RARB: variants seen among roughly 807,000 people sequenced by gnomAD.
RARB encodes HBV-activated protein.
Under a neutral mutation model 51.9 loss-of-function variants are expected in RARB, and 17 were observed. The ratio of observed to expected loss-of-function variants is 0.33; its 90% CI spans 0.22 to 0.49. RARB has a LOEUF of 0.49. RARB is among the 20% of genes least tolerant of loss of function. The pLI is 0.99. For synonymous variants in RARB, 215 were observed against 195.4 expected (o/e 1.10, Z -0.84); for missense variants, 369 against 550.8 (o/e 0.67, Z 3.30).
intron 5 of RARB, among the ~76,000 whole-genome samples, chr3:25,293,437 T>A (rs1047094552): frequency 9.2e-5 from 14 of 151,986 alleles, no homozygotes; most frequent in Non-Finnish European, 1.3e-4. Flanking sequence ...GTTATTAACA[T>A]TTTTAATGCT....
chr3:25,045,150 G>T (rs949547706), intron 2 of RARB, among the ~76,000 whole-genome samples: 2 of 152,202 alleles, frequency 1.3e-5, no homozygotes, highest in Admixed American at 6.5e-5. Context: ...CTAACAGCTG[G>T]AATAGCAAAA....
chr3:25,412,049 A>G (rs971523185), intron 5 of RARB, among the ~76,000 whole-genome samples: 18 of 152,226 alleles, frequency 1.2e-4, no homozygotes, highest in African/African-American at 4.1e-4. Flanking sequence ...CATGAGGGGC[A>G]GTCATTATGA....
intron 2 of RARB, among the ~76,000 whole-genome samples, chr3:24,868,681 A>G (rs1490643305): frequency 6.6e-6 from 1 of 152,124 alleles, no homozygotes; most frequent in Admixed American, 6.6e-5. Context: ...TTTACAATCT[A>G]TTCTCTCTGA....
At chr3:24,977,818 C>A (rs1355627663) in intron 2 of RARB, among the ~76,000 whole-genome samples, 1 of 152,152 alleles carries the variant, frequency 6.6e-6, no homozygotes, top group East Asian at 1.9e-4. Flanking sequence ...GAGAGGGCAT[C>A]CTTGTCTTGT....
At chr3:25,499,699 T>C (rs1449125100) in intron 2 of RARB, among the ~76,000 whole-genome samples, 7 of 152,228 alleles carry the variant, frequency 4.6e-5, no homozygotes, top group African/African-American at 1.7e-4. Flanking sequence ...TTTAACTCAT[T>C]GATGAAGGGA....
chr3:24,960,037 G>A (rs1482087021), intron 2 of RARB, among the ~76,000 whole-genome samples: 1 of 152,182 alleles, frequency 6.6e-6, no homozygotes, highest in Non-Finnish European at 1.5e-5. Flanking sequence ...TACAAAGACT[G>A]AACTATCAAT....
At chr3:25,410,370 A>C (rs188269265) in intron 5 of RARB, among the ~76,000 whole-genome samples, 21 of 152,326 alleles carry the variant, frequency 1.4e-4, no homozygotes, top group African/African-American at 4.3e-4. Flanking sequence ...AAATGTTAGG[A>C]ACATATTGCC....
chr3:24,986,469 C>T (rs1017309071), intron 2 of RARB, among the ~76,000 whole-genome samples: 1 of 152,106 alleles, frequency 6.6e-6, no homozygotes, highest in African/African-American at 2.4e-5. Flanking sequence ...TTTATTTTAT[C>T]AGAATTAGTC....
intron 2 of RARB, among the ~76,000 whole-genome samples, chr3:25,038,528 T>C (rs1698048666): frequency 6.6e-6 from 1 of 152,126 alleles, no homozygotes; most frequent in African/African-American, 2.4e-5. Context: ...GGCCCTCCTT[T>C]TTTTCTTTGT....
chr3:25,312,883 C>T (rs1704324639), intron 5 of RARB, among the ~76,000 whole-genome samples: 1 of 152,172 alleles, frequency 6.6e-6, no homozygotes, highest in South Asian at 2.1e-4. Flanking sequence ...CTGTTGCCGC[C>T]AGTCCTGGTG....
At chr3:25,587,972 T>G (rs1160228768) in intron 5 of RARB, among the ~76,000 whole-genome samples, 1 of 120,518 alleles carries the variant, frequency 8.3e-6, no homozygotes, top group Non-Finnish European at 2.0e-5. Flanking sequence ...ATTCATTCAA[T>G]AAATATTCAT....
intron 2 of RARB, among the ~76,000 whole-genome samples, chr3:24,892,957 T>C (rs990155018): frequency 6.6e-6 from 1 of 152,238 alleles, no homozygotes; most frequent in Non-Finnish European, 1.5e-5. Flanking sequence ...CAGGGTAGTA[T>C]TCTCTGAATC....
At chr3:25,258,902 C>T (rs1208907805) in intron 5 of RARB, 2 of 204,392 alleles carry the variant, frequency 9.8e-6, no homozygotes, top group African/African-American at 4.7e-5. Flanking sequence ...AAGGCATAAA[C>T]CTCTCTTAAG....
chr3:25,026,147 T>G (rs1177356991), intron 2 of RARB, among the ~76,000 whole-genome samples: 3 of 152,160 alleles, frequency 2.0e-5, no homozygotes, highest in Non-Finnish European at 2.9e-5. Flanking sequence ...ACCTGCACTT[T>G]TGCATAAAGT....
intron 2 of RARB, among the ~76,000 whole-genome samples, chr3:24,981,762 C>T (rs1445062444): frequency 6.6e-6 from 1 of 152,204 alleles, no homozygotes. Flanking sequence ...ATTCCCTGTT[C>T]TGCTTCAGCT....
At chr3:25,401,303 T>C (rs1483040347) in intron 5 of RARB, among the ~76,000 whole-genome samples, 1 of 152,150 alleles carries the variant, frequency 6.6e-6, no homozygotes, top group Non-Finnish European at 1.5e-5. Flanking sequence ...CTACTCTAGA[T>C]ACCTAGATTT....
At chr3:25,070,371 T>A (rs1477010136) in intron 3 of RARB, among the ~76,000 whole-genome samples, 1 of 152,158 alleles carries the variant, frequency 6.6e-6, no homozygotes, top group Non-Finnish European at 1.5e-5. Context: ...TGCATACTTG[T>A]AATTTAACCC....
In RARB at chr3:25,291,476, C is replaced by CTTTT. The variant is rs199605013; in HGVS notation, c.178+116916_178+116919dup. Among the ~76,000 whole-genome samples, 1,010 of 125,344 alleles carry CTTTT rather than the reference C, an allele frequency of 8.1e-3. 16 individuals carry two copies. The highest frequency in any genetic ancestry group is 0.026 in the African/African-American group (898 of 34,138). 82.2% of individuals were successfully genotyped at this position (125,344 alleles called of 152,430 possible). A position where few individuals can be genotyped will look rare whatever the true frequency, so the allele number is the denominator to read the frequency against. ...TAAAAATGCTTGAGCCAGATGTTTG[C>CTTTT]TTTTTTTTTTTTTTTTTTGAACACA... On this transcript the variant is annotated intron_variant, in intron 5 of 11. Coordinates refer to the RARB transcript ENST00000383772.
rs73820494 is a variant in RARB at position 25,455,923 on chromosome 3, A to G, written c.158-5270A>G. Among the ~76,000 whole-genome samples, 643 of 152,318 alleles carry G rather than the reference A, an allele frequency of 4.2e-3. 8 individuals are homozygous for G. Among genetic ancestry groups the G allele is most frequent in the African/African-American group, 0.015 (605 of 41,576 alleles). ...AGCAGATCCGAATTATTCCTCTAAG[A>G]CTGCTTCTCCAAACTGAAATCACAT... On this transcript the variant is annotated intron_variant, in intron 1 of 7. Transcript: ENST00000330688.
Sources: gnomAD v4.1 joint callset for allele counts (sites outside exome capture counted in the v4.1 genomes callset) on GRCh38, gnomAD v4.1.1 for gene constraint, MANE v1.5 for transcripts, NCBI Gene and HGNC (gene_info 2026-07-23, HGNC 2026-07-21) for gene names.